Variants in TRAPPC9 observed in about 807,000 individuals in gnomAD.
TRAPPC9 encodes trafficking protein particle complex subunit 9.
A neutral mutation model predicts 124.0 loss-of-function variants in TRAPPC9; 83 were observed. That is an observed-to-expected ratio of 0.67 (90% confidence interval 0.56 to 0.80). The LOEUF (loss-of-function observed/expected upper bound fraction) is 0.80, where lower values mean the gene tolerates loss of function less well. TRAPPC9 is among the 30% of genes least tolerant of loss of function. The probability of loss-of-function intolerance (pLI) is 0.00; values close to 1 mark genes in which losing one functional copy is unlikely to be tolerated. For synonymous variants in TRAPPC9, 638 were observed against 617.5 expected (o/e 1.03, Z -0.49); for missense variants, 1,302 against 1,508.3 (o/e 0.86, Z 2.27).
At chr8:140,364,901 C>T (rs910828341) in intron 8 of TRAPPC9, among the ~76,000 whole-genome samples, 1 of 151,728 alleles carries the variant, frequency 6.6e-6, no homozygotes, top group African/African-American at 2.4e-5. Flanking sequence ...GTAAATCCTA[C>T]AAGTTTTAGG....
At chr8:140,033,666 T>G (rs1021727020) in intron 17 of TRAPPC9, among the ~76,000 whole-genome samples, 6 of 65,976 alleles carry the variant, frequency 9.1e-5, no homozygotes, top group African/African-American at 5.3e-4. Context: ...TGGTTTTTTT[T>G]TTTTTTTTTT....
At position 139,939,933 on chromosome 8, in the gene TRAPPC9, A is replaced by ACAGCTC. The variant is rs1377842441; in HGVS notation, c.2811-29639_2811-29634dup. On this transcript the variant is annotated intron_variant, in intron 19 of 22. Transcript: ENST00000438773. Reference sequence around the variant, plus strand: ...GCCAGGCCACAGCATGCGGCTCTGCACAGCTCCAGCTCCTGATCTCTCGAG... The same window carrying ACAGCTC: ...GCCAGGCCACAGCATGCGGCTCTGCACAGCTCCAGCTCCAGCTCCTGATCTCTCGAG... Among the ~76,000 whole-genome samples the ACAGCTC allele has an allele frequency of 2.0e-5, 3 of 152,258 alleles. No homozygotes were observed. The East Asian group carries it at 5.8e-4, about 29-fold the overall frequency.
intron 12 of TRAPPC9, among the ~76,000 whole-genome samples, chr8:140,288,013 A>T (rs945037712): frequency 6.6e-6 from 1 of 152,242 alleles, no homozygotes; most frequent in Admixed American, 6.5e-5. Flanking sequence ...GAATGTGAAC[A>T]CAAAGAGAAA....
intron 17 of TRAPPC9, chr8:140,099,022 G>A (rs773236067): frequency 3.9e-5 from 6 of 152,140 alleles, no homozygotes; most frequent in East Asian, 1.9e-4. Context: ...ACCCAGCTAC[G>A]TCTCAGTGCG....
chr8:139,930,300 G>A (rs1270258390), intron 19 of TRAPPC9, among the ~76,000 whole-genome samples: 3 of 152,212 alleles, frequency 2.0e-5, no homozygotes, highest in African/African-American at 7.2e-5. Flanking sequence ...CGCCAGCCGG[G>A]AGTTGATGTG....
intron 21 of TRAPPC9, among the ~76,000 whole-genome samples, chr8:139,845,496 C>T (rs989647749): frequency 1.3e-5 from 2 of 152,356 alleles, no homozygotes; most frequent in Non-Finnish European, 2.9e-5. Flanking sequence ...TAATGGAGCC[C>T]GTACTTCCAG....
At chr8:139,795,073 A>G (rs1370962442) in intron 21 of TRAPPC9, among the ~76,000 whole-genome samples, 3 of 152,304 alleles carry the variant, frequency 2.0e-5, no homozygotes, top group East Asian at 1.9e-4. Context: ...CAACTCCCCA[A>G]GAAAAAATAA....
At chr8:139,769,682 A>T (rs1039897592) in intron 21 of TRAPPC9, among the ~76,000 whole-genome samples, 10 of 152,244 alleles carry the variant, frequency 6.6e-5, no homozygotes, top group Non-Finnish European at 8.8e-5. Context: ...TAAAAATAAG[A>T]TTGAATAGTA....
chr8:139,838,590 C>G (rs1241619318), intron 21 of TRAPPC9, among the ~76,000 whole-genome samples: 2 of 152,144 alleles, frequency 1.3e-5, no homozygotes, highest in East Asian at 3.9e-4. Flanking sequence ...TGGCGGGTCT[C>G]CTTGGCCGCA....
chr8:140,383,198 C>A (rs931171993), intron 7 of TRAPPC9, among the ~76,000 whole-genome samples: 2 of 152,190 alleles, frequency 1.3e-5, no homozygotes, highest in South Asian at 2.1e-4. Flanking sequence ...GTAGAAAAAA[C>A]CACAAAGATG....
rs1460700876 is a variant in TRAPPC9, at chr8:139,729,524, G to A, written c.*1537C>T. 2.0e-5 allele frequency among the ~76,000 whole-genome samples: 3 copies of A among 152,216 alleles called. No homozygotes were observed. Among genetic ancestry groups the A allele is most frequent in the Non-Finnish European group, 4.4e-5 (3 of 68,030 alleles). ...TCGAGCAGATGCTGAATGAGCTCCA[G>A]GAACTGAGGGCCACTGGACACCCGC... On this transcript the variant is annotated 3_prime_UTR_variant, in exon 23 of 23. Transcript: ENST00000438773.
intron 17 of TRAPPC9, among the ~76,000 whole-genome samples, chr8:140,029,792 T>C (rs1840391038): frequency 6.6e-6 from 1 of 152,012 alleles, no homozygotes; most frequent in African/African-American, 2.4e-5. Flanking sequence ...CCAATCTTTT[T>C]ATGAGACCAA....
chr8:139,858,897 C>T (rs1366879022), intron 21 of TRAPPC9, among the ~76,000 whole-genome samples: 1 of 149,764 alleles, frequency 6.7e-6, no homozygotes. Flanking sequence ...GCATAAGTCC[C>T]ATCTCTCAGT....
intron 15 of TRAPPC9, among the ~76,000 whole-genome samples, chr8:140,256,632 C>T (rs1381800779): frequency 6.6e-6 from 1 of 152,154 alleles, no homozygotes; most frequent in African/African-American, 2.4e-5. Context: ...CTGTGCTCTT[C>T]TGTAGGTGCC....
intron 21 of TRAPPC9, among the ~76,000 whole-genome samples, chr8:139,759,831 C>T (rs1294102690): frequency 1.3e-5 from 2 of 152,168 alleles, no homozygotes; most frequent in Non-Finnish European, 2.9e-5. Flanking sequence ...GCCCTGGAGG[C>T]CAGATGTGGG....
intron 11 of TRAPPC9, among the ~76,000 whole-genome samples, chr8:140,295,871 T>C (rs1453206588): frequency 1.3e-5 from 2 of 152,220 alleles, no homozygotes; most frequent in African/African-American, 4.8e-5. Context: ...GGGATATAAA[T>C]TGCATTTTCC....
At chr8:140,071,594 G>A (rs6991105) in intron 17 of TRAPPC9, among the ~76,000 whole-genome samples, 1,725 of 152,254 alleles carry the variant, frequency 0.011, 31 homozygotes, top group African/African-American at 0.038. Flanking sequence ...CCAGAGGCCC[G>A]GTGCCTGCCT....
At chr8:140,160,347 G>T (rs1338480176) in intron 17 of TRAPPC9, among the ~76,000 whole-genome samples, 1 of 152,092 alleles carries the variant, frequency 6.6e-6, no homozygotes, top group Non-Finnish European at 1.5e-5. Flanking sequence ...ACATGCACAC[G>T]TATGTTTATT....
intron 17 of TRAPPC9, among the ~76,000 whole-genome samples, chr8:140,129,378 A>G (rs1288410847): frequency 1.3e-5 from 2 of 152,128 alleles, no homozygotes; most frequent in East Asian, 3.9e-4. Flanking sequence ...TCAGGGCCTG[A>G]GCAGGGTACG....
Sources: gnomAD v4.1 joint callset for allele counts (sites outside exome capture counted in the v4.1 genomes callset) on GRCh38, gnomAD v4.1.1 for gene constraint, MANE v1.5 for transcripts, NCBI Gene and HGNC (gene_info 2026-07-23, HGNC 2026-07-21) for gene names.